Variants in PTPRN2 observed in about 807,000 individuals in gnomAD.
PTPRN2 encodes protein tyrosine phosphatase receptor type N2, also known as receptor-type tyrosine-protein phosphatase N2.
In PTPRN2, 74 loss-of-function variants were observed where a neutral mutation model predicts 118.8. That is an observed-to-expected ratio of 0.62 (90% CI 0.52 to 0.76). PTPRN2 has a LOEUF of 0.76. Ranked by LOEUF, PTPRN2 falls within the 30% of genes least tolerant of loss-of-function variation. PTPRN2 has a pLI of 0.00. For missense variants in PTPRN2, 1,481 were observed against 1,394.4 expected, an observed-to-expected ratio of 1.06 and a Z score of -0.99; for synonymous variants, 641 against 608.0, an observed-to-expected ratio of 1.05 and a Z score of -0.80.
At chr7:157,688,353 G>C (rs565090655) in intron 12 of PTPRN2, among the ~76,000 whole-genome samples, 32 of 152,304 alleles carry the variant, frequency 2.1e-4, no homozygotes, top group Admixed American at 1.1e-3. Flanking sequence ...ATGTCCAAAG[G>C]GGGAAGCACC....
In PTPRN2 at chr7:158,188,272, C is replaced by G. The variant is rs1260828884; in HGVS notation, c.549+4055G>C. ...TGGGGAAGGCCGCCACGCTCGCCCC[C>G]TGTATGGGGAAGGCCGCCACGCTCG... On this transcript the variant is annotated intron_variant, in intron 5 of 22. Transcript: ENST00000389418. Among the ~76,000 whole-genome samples, 41 of 86,782 alleles carry G rather than the reference C, an allele frequency of 4.7e-4. 1 individual carries two copies. The highest frequency in any genetic ancestry group is 7.5e-4 in the Admixed American group (6 of 7,958). The allele number at this position is 86,782 out of a possible 152,430, so 56.9% of individuals were successfully genotyped here. A position where few individuals can be genotyped will look rare whatever the true frequency, so the allele number is the denominator to read the frequency against.
chr7:158,202,928 A>T (rs1826748035), intron 4 of PTPRN2, among the ~76,000 whole-genome samples: 1 of 152,186 alleles, frequency 6.6e-6, no homozygotes, highest in Non-Finnish European at 1.5e-5. Flanking sequence ...TATACAGAAA[A>T]TTCACAAAGA....
At chr7:158,540,248 A>G (rs903668748) in intron 1 of PTPRN2, among the ~76,000 whole-genome samples, 7 of 152,132 alleles carry the variant, frequency 4.6e-5, no homozygotes, top group African/African-American at 1.7e-4. Flanking sequence ...GGGCCCACCA[A>G]GGCATCACCC....
At chr7:158,566,834 A>G (rs564879338) in intron 1 of PTPRN2, among the ~76,000 whole-genome samples, 52 of 152,128 alleles carry the variant, frequency 3.4e-4, no homozygotes, top group Middle Eastern at 3.4e-3. Context: ...TCCTGCCTCA[A>G]TGTCCCAAGT....
At chr7:158,174,197 T>G (rs1241087859) in intron 5 of PTPRN2, among the ~76,000 whole-genome samples, 1 of 152,214 alleles carries the variant, frequency 6.6e-6, no homozygotes. Context: ...TAAATGTCCA[T>G]GAAGTCTTCA....
Position 157,603,760 on chromosome 7 carries a change from G to A in PTPRN2, c.2418+242C>T, listed in dbSNP as rs1054485975. Among the ~76,000 whole-genome samples, 2 of 152,122 alleles carry A rather than the reference G, an allele frequency of 1.3e-5. No homozygotes were observed. The highest frequency in any genetic ancestry group is 4.8e-5 in the African/African-American group (2 of 41,424). ...AACTGTCCAGTCACCATTGCTGGAT[G>A]TTCTACAAGTCACGGAACCCACCGC... On this transcript the variant is annotated intron_variant, in intron 16 of 22. Transcript: ENST00000389418. This position sits in a 1 kb window ranked among gnomAD's most constrained non-coding sequence, Gnocchi z 5.4.
chr7:157,856,795 G>A (rs2151218866), intron 12 of PTPRN2, among the ~76,000 whole-genome samples: 1 of 152,288 alleles, frequency 6.6e-6, no homozygotes, highest in South Asian at 2.1e-4. Context: ...GTCAGTCAAA[G>A]TGGTCACTTC....
intron 11 of PTPRN2, among the ~76,000 whole-genome samples, chr7:157,976,963 A>T (rs551636642): frequency 6.6e-6 from 1 of 152,022 alleles, no homozygotes; most frequent in African/African-American, 2.4e-5. Context: ...TAACAAAGAT[A>T]GCTGTCATGC....
At chr7:158,096,357 G>T (rs1210370772) in intron 10 of PTPRN2, among the ~76,000 whole-genome samples, 1 of 152,178 alleles carries the variant, frequency 6.6e-6, no homozygotes, top group Admixed American at 6.5e-5. Flanking sequence ...TGAGGCTCAG[G>T]AAAATAAGGA....
intron 2 of PTPRN2, among the ~76,000 whole-genome samples, chr7:158,342,093 CCT>C (rs1806965493): frequency 7.1e-6 from 1 of 140,968 alleles, no homozygotes; most frequent in African/African-American, 2.7e-5. Context: ...AGGGGTGTCA[CCT>C]GCAGACGTCA....
chr7:158,383,506 C>T (rs998520294), intron 2 of PTPRN2, among the ~76,000 whole-genome samples: 1 of 152,102 alleles, frequency 6.6e-6, no homozygotes, highest in Non-Finnish European at 1.5e-5. Context: ...CATGGAATGC[C>T]CTTTCAATTT....
chr7:158,238,456 C>T (rs191007764), intron 3 of PTPRN2, among the ~76,000 whole-genome samples: 3 of 152,302 alleles, frequency 2.0e-5, no homozygotes, highest in African/African-American at 7.2e-5. Flanking sequence ...TGCCGCTCAT[C>T]AGAAACCTTT....
At position 158,438,153 on chromosome 7, in the gene PTPRN2, G is replaced by A. The variant is rs543197370; in HGVS notation, c.163+51582C>T. ...AGCACTTTGGGAGGCTGAGGTGGGCGGATCACCTGAGGTCAGGAATTTGAG... is the reference window on the plus strand; with the variant it reads ...AGCACTTTGGGAGGCTGAGGTGGGCAGATCACCTGAGGTCAGGAATTTGAG... On this transcript the variant is annotated intron_variant, in intron 2 of 22. Transcript: ENST00000389418. The surrounding 1 kb of genome is among the most constrained non-coding windows in gnomAD (Gnocchi z 4.7). Among the ~76,000 whole-genome samples the A allele has an allele frequency of 2.4e-4, 36 of 152,230 alleles. No homozygotes were observed. Among genetic ancestry groups the A allele is most frequent in the Admixed American group, 4.6e-4 (7 of 15,296 alleles).
At chr7:158,275,932 G>A (rs1436676296) in intron 3 of PTPRN2, among the ~76,000 whole-genome samples, 1 of 152,174 alleles carries the variant, frequency 6.6e-6, no homozygotes. Flanking sequence ...CAGTGAATTT[G>A]TATTTGCAGT....
chr7:158,152,535 C>T (rs1821294929), intron 6 of PTPRN2, among the ~76,000 whole-genome samples: 1 of 152,194 alleles, frequency 6.6e-6, no homozygotes, highest in African/African-American at 2.4e-5. Context: ...GAGCTGGTCC[C>T]TTTAAATGAT....
In PTPRN2 at chr7:157,796,329, A is replaced by G. The variant is rs1408068767; in HGVS notation, c.1788+102344T>C. Among the ~76,000 whole-genome samples, 6 of 152,244 alleles carry G rather than the reference A, an allele frequency of 3.9e-5. No individual in the cohort carries two copies. In the East Asian group the frequency reaches 1.2e-3, roughly 29 times the overall value. The stretch of plus-strand genomic sequence containing the variant: ...ATTTTCCTATTCATTCCCGAATCTC[A>G]CATTTTACCGGGATGGTGACATCCC... On this transcript the variant is annotated intron_variant, in intron 12 of 22. Coordinates refer to ENST00000389418, the MANE Select transcript of PTPRN2 (RefSeq NM_002847.5).
In PTPRN2 at chr7:158,154,923, G is replaced by A. The variant is rs536317804; in HGVS notation, c.910+12008C>T. On this transcript the variant is annotated intron_variant, in intron 6 of 22. Transcript: ENST00000389418. Reference sequence around the variant, plus strand: ...CATCCACTACCTGCCATTTGAAGATGAAGAGAAATGAGGAAGTATGTTTTG... The same window carrying A: ...CATCCACTACCTGCCATTTGAAGATAAAGAGAAATGAGGAAGTATGTTTTG... Among the ~76,000 whole-genome samples, 64 of 152,338 alleles carry A rather than the reference G, an allele frequency of 4.2e-4. 1 individual carries two copies. Among genetic ancestry groups the A allele is most frequent in the African/African-American group, 1.5e-3 (62 of 41,570 alleles).
chr7:158,411,701 C>T (rs567206917), intron 2 of PTPRN2, among the ~76,000 whole-genome samples: 3 of 152,218 alleles, frequency 2.0e-5, no homozygotes, highest in African/African-American at 7.2e-5. Context: ...AGGTGGAAGG[C>T]GCCGCCCCGC....
intron 9 of PTPRN2, 24 bp downstream of exon 9, chr7:158,133,653 A>C: frequency 6.5e-7 from 1 of 1,539,354 alleles, no homozygotes; most frequent in Non-Finnish European, 8.7e-7. Flanking sequence ...GGCACACAGG[A>C]GCTTAGCCAG....
Sources: gnomAD v4.1 joint callset for allele counts (sites outside exome capture counted in the v4.1 genomes callset) on GRCh38, gnomAD v4.1.1 for gene constraint, Gnocchi (gnomAD v3.1) non-coding constraint, MANE v1.5 for transcripts, NCBI Gene and HGNC (gene_info 2026-07-23, HGNC 2026-07-21) for gene names.